Variants in GJB7 observed in about 807,000 individuals in gnomAD.
The protein encoded by GJB7 is gap junction beta-7 protein.
For synonymous variants in GJB7, 87 were observed against 95.2 expected, an observed-to-expected ratio of 0.91 and a Z score of 0.50; for missense variants, 253 against 256.8, an observed-to-expected ratio of 0.99 and a Z score of 0.10.
At chr6:87,299,641 A>C (rs1776292861) in intron 2 of GJB7, 1 of 189,566 alleles carries the variant, frequency 5.3e-6, no homozygotes, top group African/African-American at 2.4e-5. Flanking sequence ...TCTTCAGATC[A>C]TAGCAGTCAA....
chr6:87,300,383 C>T (rs1776303058), intron 2 of GJB7: 1 of 235,590 alleles, frequency 4.2e-6, no homozygotes, highest in Non-Finnish European at 9.2e-6. Flanking sequence ...GCTGTAATTA[C>T]AGAAATTTCT....
chr6:87,284,671 A>C lies in GJB7; in HGVS notation c.242T>G (p.Leu81Arg), dbSNP rs1776029018. 3.1e-6 allele frequency: 5 copies of C among 1,614,166 alleles called. No homozygotes were observed. In the South Asian group the frequency reaches 3.3e-5, roughly 11 times the overall value. ...ISQVRLWALQ[L>R]IMVSTPSLLV... is the part of the protein sequence containing the mutation. ...AAGTGAAGGTGTGGAGACCATTATC[A>C]GTTGTAAGGCCCAAAGTCTGACTTG... Residue 81 changes from leucine to arginine, a missense_variant, in exon 3 of 3, where the codon CTG (leucine) becomes CGG (arginine). Physicochemically the swap from Leu to Arg is moderately radical, Grantham distance 102. Coordinates refer to ENST00000525899, the MANE Select transcript of GJB7 (RefSeq NM_198568.3).
rs1776001878 is a variant in GJB7, at chr6:87,283,150, A to T, written c.*1091T>A. 6.6e-6 allele frequency: 1 copy of T among 152,254 alleles called. No individual in the cohort carries two copies. The highest frequency in any genetic ancestry group is 2.1e-4 in the South Asian group (1 of 4,836). The allele number at this position is 152,254 out of a possible 1,614,324, so 9.4% of individuals were successfully genotyped here. On this transcript the variant is annotated 3_prime_UTR_variant, in exon 3 of 3. Coordinates refer to ENST00000525899, the MANE Select transcript of GJB7 (RefSeq NM_198568.3). Reference sequence around the variant, plus strand: ...AACATTTTTGCACCACTGTAACAACATAGTACACATTTTACTATCTGTCCT... The same window carrying T: ...AACATTTTTGCACCACTGTAACAACTTAGTACACATTTTACTATCTGTCCT...
At chr6:87,300,846 T>A (rs1031484682) in intron 2 of GJB7, among the ~76,000 whole-genome samples, 3 of 152,234 alleles carry the variant, frequency 2.0e-5, no homozygotes, top group Admixed American at 1.3e-4. Context: ...GTGTACAAAC[T>A]AGGAAAATAT....
intron 2 of GJB7, among the ~76,000 whole-genome samples, chr6:87,289,276 C>CT (rs995495189): frequency 6.6e-6 from 1 of 152,108 alleles, no homozygotes; most frequent in African/African-American, 2.4e-5. Context: ...ATTATGTTGG[C>CT]TTTTTTTCCC....
chr6:87,284,107 G>T lies in GJB7; in HGVS notation c.*134C>A. The T allele has an allele frequency of 2.8e-6, 2 of 717,960 alleles. No individual in the cohort carries two copies. The highest frequency in any genetic ancestry group is 4.6e-6 in the Non-Finnish European group (2 of 433,554). The allele number at this position is 717,960 out of a possible 1,614,324, so 44.5% of individuals were successfully genotyped here. A position where few individuals can be genotyped will look rare whatever the true frequency, so the allele number is the denominator to read the frequency against. On this transcript the variant is annotated 3_prime_UTR_variant, in exon 3 of 3. Coordinates refer to ENST00000525899, the MANE Select transcript of GJB7 (RefSeq NM_198568.3). ...CTGAGGAGGGATGCAGGTTTTCTTT[G>T]TTTAACCCTCTTGTGTGTCACAGAG...
rs141554313 is a variant in GJB7, at chr6:87,304,929, C to A, written c.-28+17937G>T. On this transcript the variant is annotated intron_variant, in intron 2 of 2. Transcript: ENST00000525899. ...AACAGAACCAAAGACAAAAACCATACGATTATCTCAATAGATGCAGAAAAG... is the reference window on the plus strand; with the variant it reads ...AACAGAACCAAAGACAAAAACCATAAGATTATCTCAATAGATGCAGAAAAG... 9.6e-3 allele frequency among the ~76,000 whole-genome samples: 1,462 copies of A among 152,078 alleles called. 34 individuals carry two copies. Among genetic ancestry groups the A allele is most frequent in the African/African-American group, 0.034 (1,413 of 41,482 alleles).
chr6:87,303,802 G>T (rs1032546094), intron 2 of GJB7, among the ~76,000 whole-genome samples: 8 of 152,248 alleles, frequency 5.3e-5, no homozygotes, highest in African/African-American at 1.9e-4. Flanking sequence ...AAATGTAAAA[G>T]AATAGAAATT....
intron 1 of GJB7, among the ~76,000 whole-genome samples, chr6:87,325,874 C>T (rs865895916): frequency 7.9e-5 from 12 of 152,294 alleles, no homozygotes; most frequent in South Asian, 2.1e-4. Context: ...TGTTAGAATT[C>T]GGCTGTGAAG....
At chr6:87,317,744 T>C (rs1776603451) in intron 2 of GJB7, among the ~76,000 whole-genome samples, 1 of 152,190 alleles carries the variant, frequency 6.6e-6, no homozygotes, top group Non-Finnish European at 1.5e-5. Context: ...CTCACTAATC[T>C]TTAAGAGTTT....
chr6:87,294,208 C>T (rs1427650730), intron 2 of GJB7, among the ~76,000 whole-genome samples: 1 of 152,180 alleles, frequency 6.6e-6, no homozygotes, highest in Non-Finnish European at 1.5e-5. Flanking sequence ...TTCTTCTCTG[C>T]CCCTTTTGGA....
chr6:87,326,879 C>T (rs1208010161), intron 1 of GJB7, among the ~76,000 whole-genome samples: 1 of 118,684 alleles, frequency 8.4e-6, no homozygotes, highest in East Asian at 2.2e-4. Flanking sequence ...TTAAAGTCTC[C>T]CATTATTAAT....
At chr6:87,293,314 C>A (rs1242794839) in intron 2 of GJB7, among the ~76,000 whole-genome samples, 1 of 152,334 alleles carries the variant, frequency 6.6e-6, no homozygotes, top group Middle Eastern at 3.4e-3. Flanking sequence ...CAGGCATGAG[C>A]CACCGCACCC....
chr6:87,285,021 T>C, intron 2 of GJB7, 82 bp from the exon 3 acceptor site: 1 of 880,694 alleles, frequency 1.1e-6, no homozygotes, highest in South Asian at 1.7e-5. Context: ...TTATGTAAGA[T>C]AAATTACAAT....
intron 2 of GJB7, among the ~76,000 whole-genome samples, chr6:87,295,290 C>G (rs1776233992): frequency 1.3e-5 from 2 of 152,186 alleles, no homozygotes; most frequent in Non-Finnish European, 2.9e-5. Flanking sequence ...AAGGAAGTGC[C>G]TGGCAATTCT....
intron 2 of GJB7, among the ~76,000 whole-genome samples, chr6:87,311,885 C>T (rs553841157): frequency 1.3e-5 from 2 of 152,108 alleles, no homozygotes; most frequent in Admixed American, 6.5e-5. Flanking sequence ...TGCAGGTACC[C>T]TTGATTCTTA....
intron 2 of GJB7, among the ~76,000 whole-genome samples, chr6:87,313,445 A>C (rs1326748723): frequency 6.6e-6 from 1 of 152,230 alleles, no homozygotes; most frequent in Non-Finnish European, 1.5e-5. Context: ...TAATCTTCCC[A>C]AAATCTCTGT....
intron 2 of GJB7, among the ~76,000 whole-genome samples, chr6:87,318,634 T>A (rs1429436071): frequency 6.6e-6 from 1 of 152,184 alleles, no homozygotes; most frequent in African/African-American, 2.4e-5. Context: ...TAATATCATA[T>A]TAGCAAAAAT....
chr6:87,293,243 A>G (rs993660035), intron 2 of GJB7, among the ~76,000 whole-genome samples: 1 of 152,008 alleles, frequency 6.6e-6, no homozygotes, highest in African/African-American at 2.4e-5. Flanking sequence ...GTTGACCAGG[A>G]TGGTCTCCAT....
Sources: gnomAD v4.1 joint callset for allele counts (sites outside exome capture counted in the v4.1 genomes callset) on GRCh38, gnomAD v4.1.1 for gene constraint, MANE v1.5 for transcripts, NCBI Gene and HGNC (gene_info 2026-07-23, HGNC 2026-07-21) for gene names.